The following GAS2 variants were observed in gnomAD, a reference collection of about 807,000 sequenced individuals.
GAS2 encodes the protein growth arrest-specific protein 2.
GAS2 carries 20 observed loss-of-function variants against 37.5 expected under a neutral mutation model. That is an observed-to-expected ratio of 0.53 (90% CI 0.37 to 0.77). The LOEUF (loss-of-function observed/expected upper bound fraction) is 0.77. Among genes scored for constraint, GAS2 ranks in the 30% least tolerant of loss-of-function variants. The pLI is 0.00. For synonymous variants in GAS2, 144 were observed against 132.2 expected (o/e 1.09, Z -0.61); for missense variants, 336 against 373.4 (o/e 0.90, Z 0.82).
At chr11:22,794,772 C>A (rs559548219) in intron 7 of GAS2, among the ~76,000 whole-genome samples, 1 of 152,270 alleles carries the variant, frequency 6.6e-6, no homozygotes, top group South Asian at 2.1e-4. Context: ...GTAAAACCCT[C>A]ACAATAATGT....
chr11:22,633,528 C>G (rs1858774374), intron 1 of GAS2, among the ~76,000 whole-genome samples: 1 of 152,162 alleles, frequency 6.6e-6, no homozygotes, highest in Admixed American at 6.5e-5. Flanking sequence ...ATTTTATTCA[C>G]TGGGTTGAAC....
rs543313868 is a variant in GAS2 at position 22,738,835 on chromosome 11, C to T, written c.473+1067C>T. On this transcript the variant is annotated intron_variant, in intron 5 of 7. Coordinates refer to ENST00000454584, the MANE Select transcript of GAS2 (RefSeq NM_001143830.3). The stretch of plus-strand genomic sequence containing the variant: ...AATATAATCTTCATGAATTGTGCAT[C>T]GGGTATAAATTTCATTTTGCCACAA... Among the ~76,000 whole-genome samples, 528 of 152,180 alleles carry T rather than the reference C, an allele frequency of 3.5e-3. 3 individuals carry two copies. Among genetic ancestry groups the T allele is most frequent in the African/African-American group, 0.012 (491 of 41,530 alleles).
At chr11:22,771,455 T>C (rs7114664) in intron 7 of GAS2, among the ~76,000 whole-genome samples, 39,419 of 152,030 alleles carry the variant, frequency 0.26, 5,355 homozygotes, top group East Asian at 0.36. Context: ...TCCACCACAT[T>C]TTTTGCTCCT....
At chr11:22,706,654 G>A (rs1166283341) in intron 3 of GAS2, among the ~76,000 whole-genome samples, 1 of 152,156 alleles carries the variant, frequency 6.6e-6, no homozygotes, top group East Asian at 1.9e-4. Context: ...TCCCTACAAA[G>A]GACATGAACT....
At chr11:22,698,951 A>G (rs1281513861) in intron 3 of GAS2, among the ~76,000 whole-genome samples, 1 of 152,190 alleles carries the variant, frequency 6.6e-6, no homozygotes, top group Admixed American at 6.6e-5. Context: ...TTATTAGGCT[A>G]AAATGTTTAA....
chr11:22,746,389 A>G (rs1224319141), intron 5 of GAS2, among the ~76,000 whole-genome samples: 4 of 152,166 alleles, frequency 2.6e-5, no homozygotes, highest in Non-Finnish European at 4.4e-5. Flanking sequence ...AAATCATTCT[A>G]CCAAAAAGAC....
At chr11:22,758,932 A>C (rs891443485) in intron 7 of GAS2, among the ~76,000 whole-genome samples, 5 of 151,410 alleles carry the variant, frequency 3.3e-5, no homozygotes, top group African/African-American at 1.2e-4. Flanking sequence ...AAAAAAGAGA[A>C]AGTCATAGAT....
At chr11:22,710,519 G>A (rs58707724) in intron 3 of GAS2, among the ~76,000 whole-genome samples, 125,201 of 147,348 alleles carry the variant, frequency 0.85, 56,568 homozygotes, top group East Asian at 1. Flanking sequence ...GTGTCTGTGT[G>A]TATATATATA....
chr11:22,741,999 G>T (rs1345862958), intron 5 of GAS2, among the ~76,000 whole-genome samples: 1 of 151,924 alleles, frequency 6.6e-6, no homozygotes, highest in African/African-American at 2.4e-5. Context: ...GCCTCAGTTT[G>T]GGGTCTTAGT....
In GAS2 at chr11:22,732,132, TTGTC is replaced by T. The variant is rs77050548; in HGVS notation, c.410-5570_410-5567del. Among the ~76,000 whole-genome samples, 6 of 151,830 alleles carry T rather than the reference TTGTC, an allele frequency of 4.0e-5. No homozygotes were observed. The East Asian group carries it at 9.7e-4, about 25-fold the overall frequency. ...CCCATCTGTTATAGAAAGATGTACT[TTGTC>T]TGCGTTCATTTTAGATGTTATTAGA... On this transcript the variant is annotated intron_variant, in intron 4 of 7. Transcript: ENST00000454584.
At chr11:22,697,948 C>T (rs566927634) in intron 3 of GAS2, among the ~76,000 whole-genome samples, 5 of 152,170 alleles carry the variant, frequency 3.3e-5, no homozygotes, top group Admixed American at 2.6e-4. Context: ...CCTTCTGCTG[C>T]GTAATTGCCC....
Position 22,755,954 on chromosome 11 carries a change from G to A in GAS2, c.723+1G>A. 6.3e-7 allele frequency: 1 copy of A among 1,593,846 alleles called. No individual in the cohort carries two copies. Among genetic ancestry groups the A allele is most frequent in the South Asian group, 1.1e-5 (1 of 89,974 alleles). ...GGGAGAAAAGATCCTCTTCATTAGG[G>A]TAAAGTTTTACTTTTCACTTATCTT... On this transcript the variant is annotated splice_donor_variant, in intron 7 of 7. Coordinates refer to ENST00000454584, the MANE Select transcript of GAS2 (RefSeq NM_001143830.3). LOFTEE classifies it high-confidence loss of function.
chr11:22,791,870 A>G (rs1459134185), intron 7 of GAS2, among the ~76,000 whole-genome samples: 1 of 152,226 alleles, frequency 6.6e-6, no homozygotes, highest in Non-Finnish European at 1.5e-5. Context: ...GCTGAGCTGA[A>G]TTGAAAACAA....
intron 7 of GAS2, among the ~76,000 whole-genome samples, chr11:22,789,347 CAT>C (rs1260148993): frequency 2.3e-5 from 3 of 132,760 alleles, no homozygotes; most frequent in Admixed American, 1.6e-4. Context: ...CACACACACA[CAT>C]AGGCATACAT....
At chr11:22,668,274 A>G (rs1849060540) in intron 1 of GAS2, 1 of 152,586 alleles carries the variant, frequency 6.6e-6, no homozygotes, top group Non-Finnish European at 1.5e-5. Flanking sequence ...ACTGCGGTGA[A>G]GGTGGTGGCT....
chr11:22,766,428 C>A (rs1412795385), intron 7 of GAS2, among the ~76,000 whole-genome samples: 1 of 152,130 alleles, frequency 6.6e-6, no homozygotes, highest in Non-Finnish European at 1.5e-5. Context: ...ATATGCTATT[C>A]ATTCCATTTC....
chr11:22,694,181 A>C (rs2133984644), intron 3 of GAS2, among the ~76,000 whole-genome samples: 1 of 152,298 alleles, frequency 6.6e-6, no homozygotes, highest in Admixed American at 6.5e-5. Flanking sequence ...TAAAAAAATA[A>C]GAATTTAGGG....
chr11:22,666,396 G>A (rs1223897409), upstream of GAS2, among the ~76,000 whole-genome samples: 1 of 152,148 alleles, frequency 6.6e-6, no homozygotes, highest in Non-Finnish European at 1.5e-5. Context: ...TTTTAATATT[G>A]TGCTAAAGCT....
intron 3 of GAS2, among the ~76,000 whole-genome samples, chr11:22,692,874 A>C (rs1355893071): frequency 6.6e-6 from 1 of 152,162 alleles, no homozygotes; most frequent in African/African-American, 2.4e-5. Context: ...GTAGAAATTC[A>C]GTCTCCATCA....
Sources: gnomAD v4.1 joint callset for allele counts (sites outside exome capture counted in the v4.1 genomes callset) on GRCh38, gnomAD v4.1.1 for gene constraint, MANE v1.5 for transcripts, NCBI Gene and HGNC (gene_info 2026-07-23, HGNC 2026-07-21) for gene names.